Variants in ST3GAL1 observed in about 807,000 individuals in gnomAD.
ST3GAL1 encodes ST3 beta-galactoside alpha-2,3-sialyltransferase 1.
Under a neutral mutation model 34.1 loss-of-function variants are expected in ST3GAL1, and 16 were observed. The ratio of observed to expected loss-of-function variants is 0.47; its 90% confidence interval spans 0.32 to 0.71. The LOEUF is 0.71. ST3GAL1 is among the 30% of genes least tolerant of loss of function. The pLI is 0.04. For missense variants in ST3GAL1, 353 were observed against 447.4 expected, an observed-to-expected ratio of 0.79 and a Z score of 1.90; for synonymous variants, 191 against 184.7, an observed-to-expected ratio of 1.03 and a Z score of -0.28.
At chr8:133,545,442 C>T (rs988000809) in intron 2 of ST3GAL1, among the ~76,000 whole-genome samples, 4 of 152,216 alleles carry the variant, frequency 2.6e-5, no homozygotes, top group Non-Finnish European at 4.4e-5. Context: ...GCCAGGCCTT[C>T]GTCAGGATGA....
Position 133,466,156 on chromosome 8 carries a change from C to G in ST3GAL1, c.307-66G>C. On this transcript the variant is annotated intron_variant, in intron 5 of 9. Coordinates refer to ENST00000522652, the MANE Select transcript of ST3GAL1 (RefSeq NM_173344.3). The surrounding 1 kb of genome is among the most constrained non-coding windows in gnomAD (Gnocchi z 4.4). Reference sequence around the variant, plus strand: ...GCTCCAGCCTCCTGGCAGCAGAGCCCCTGAGCTACCTGCTGTCGTTTACTG... The same window carrying G: ...GCTCCAGCCTCCTGGCAGCAGAGCCGCTGAGCTACCTGCTGTCGTTTACTG... The G allele has an allele frequency of 6.7e-7, 1 of 1,502,060 alleles. No homozygotes were observed. Among genetic ancestry groups the G allele is most frequent in the South Asian group, 1.3e-5 (1 of 78,534 alleles). 93.0% of individuals were successfully genotyped at this position (1,502,060 alleles called of 1,614,324 possible). A position where few individuals can be genotyped will look rare whatever the true frequency, so the allele number is the denominator to read the frequency against.
At chr8:133,510,497 A>G (rs1289150768) in intron 2 of ST3GAL1, among the ~76,000 whole-genome samples, 1 of 152,128 alleles carries the variant, frequency 6.6e-6, no homozygotes, top group African/African-American at 2.4e-5. Flanking sequence ...GCAATTCTAA[A>G]CCTGTGCTAA....
chr8:133,498,281 G>A (rs1817030830), intron 3 of ST3GAL1, among the ~76,000 whole-genome samples: 1 of 152,270 alleles, frequency 6.6e-6, no homozygotes, highest in South Asian at 2.1e-4. Context: ...TGCAGGGACA[G>A]TGAGCTGTGA....
intron 3 of ST3GAL1, among the ~76,000 whole-genome samples, chr8:133,484,806 C>T (rs1351668838): frequency 1.3e-5 from 2 of 152,130 alleles, no homozygotes; most frequent in Non-Finnish European, 2.9e-5. Flanking sequence ...CTGTCCATCC[C>T]CCTGAAGCTA....
rs777122691 is a variant in ST3GAL1 at position 133,463,406 on chromosome 8, C to T, written c.729+8G>A. On this transcript the variant is annotated splice_region_variant and intron_variant, in intron 8 of 9. Transcript: ENST00000522652. ...ACTTAGAACAGAGGGGCCGGGGCCTCCACTCACCTTATCCTGTTTCACTCT... is the reference window on the plus strand; with the variant it reads ...ACTTAGAACAGAGGGGCCGGGGCCTTCACTCACCTTATCCTGTTTCACTCT... 3 of 1,613,890 alleles carry T rather than the reference C, an allele frequency of 1.9e-6. No homozygotes were observed. The Admixed American group carries it at 5.0e-5, about 27-fold the overall frequency.
chr8:133,465,863 C>T (rs1196179162), intron 6 of ST3GAL1, 31 bp downstream of exon 6: 10 of 1,601,562 alleles, frequency 6.2e-6, no homozygotes, highest in South Asian at 1.1e-5. Context: ...GGGTGCAGCA[C>T]GGTAGGCTTG....
At chr8:133,475,378 GT>G (rs1816128879) in intron 5 of ST3GAL1, among the ~76,000 whole-genome samples, 1 of 152,238 alleles carries the variant, frequency 6.6e-6, no homozygotes, top group Non-Finnish European at 1.5e-5. Context: ...CACTTTTGGT[GT>G]TTTGAGCCAT....
chr8:133,490,619 C>A (rs113254436), intron 3 of ST3GAL1, among the ~76,000 whole-genome samples: 2 of 152,176 alleles, frequency 1.3e-5, no homozygotes, highest in Non-Finnish European at 2.9e-5. Context: ...GAGGGTAAAC[C>A]AGGCCTGTGC....
intron 2 of ST3GAL1, among the ~76,000 whole-genome samples, chr8:133,506,402 T>G (rs1817338280): frequency 6.6e-6 from 1 of 152,182 alleles, no homozygotes; most frequent in Admixed American, 6.5e-5. Context: ...TATTTTTAGG[T>G]ATTAAGCAAA....
intron 2 of ST3GAL1, among the ~76,000 whole-genome samples, chr8:133,506,863 G>A (rs1817357969): frequency 2.0e-5 from 3 of 151,886 alleles, no homozygotes; most frequent in Admixed American, 2.0e-4. Flanking sequence ...GCCGAGGTGG[G>A]TGGATCACAA....
At chr8:133,568,583 T>C (rs1220731805) in intron 1 of ST3GAL1, among the ~76,000 whole-genome samples, 2 of 152,188 alleles carry the variant, frequency 1.3e-5, no homozygotes, top group Non-Finnish European at 2.9e-5. Context: ...TTTGCTTTCC[T>C]GGTCGCTTTT....
Position 133,469,466 on chromosome 8 carries a change from G to T in ST3GAL1, c.307-3376C>A, listed in dbSNP as rs1586589755. Among the ~76,000 whole-genome samples the T allele has an allele frequency of 6.6e-6, 1 of 152,096 alleles. No individual in the cohort carries two copies. The highest frequency in any genetic ancestry group is 6.6e-5 in the Admixed American group (1 of 15,266). ...ACTCCTGACCTCAGGTGATGAACCC[G>T]CCTCAGCCTCCCAAAGTGTTGGGAT... On this transcript the variant is annotated intron_variant, in intron 5 of 9. Transcript: ENST00000522652. This position sits in a 1 kb window ranked among gnomAD's most constrained non-coding sequence, Gnocchi z 4.3.
Position 133,461,839 on chromosome 8 carries a change from C to G in ST3GAL1, c.849+36G>C. 1.2e-6 allele frequency: 2 copies of G among 1,612,686 alleles called. No individual in the cohort carries two copies. The highest frequency in any genetic ancestry group is 8.5e-7 in the Non-Finnish European group (1 of 1,179,200). The stretch of plus-strand genomic sequence containing the variant: ...CTTGGGAACACAGGACGGTGAGCTT[C>G]GAGGCAGCCCTGTGGGCAGGGGGAG... On this transcript the variant is annotated intron_variant, in intron 9 of 9. Coordinates refer to ENST00000522652, the MANE Select transcript of ST3GAL1 (RefSeq NM_173344.3). The surrounding 1 kb of genome is among the most constrained non-coding windows in gnomAD (Gnocchi z 4.7).
intron 2 of ST3GAL1, among the ~76,000 whole-genome samples, chr8:133,524,191 C>A (rs1297226531): frequency 6.6e-6 from 1 of 152,198 alleles, no homozygotes; most frequent in Non-Finnish European, 1.5e-5. Context: ...AATTAAAAAA[C>A]CTACCTCTTA....
chr8:133,477,179 A>G (rs371540361), intron 3 of ST3GAL1, among the ~76,000 whole-genome samples: 1 of 152,204 alleles, frequency 6.6e-6, no homozygotes, highest in South Asian at 2.1e-4. Context: ...CTTCTTCTGC[A>G]AAGTGGGATA....
chr8:133,559,484 CT>C (rs528823433), intron 1 of ST3GAL1, among the ~76,000 whole-genome samples: 2 of 152,056 alleles, frequency 1.3e-5, no homozygotes, highest in Non-Finnish European at 2.9e-5. Context: ...TTTTAATTTC[CT>C]TTTTTTGCCA....
At chr8:133,564,519 T>TACACACACACACACAC (rs60855292) in intron 1 of ST3GAL1, among the ~76,000 whole-genome samples, 1,884 of 145,908 alleles carry the variant, frequency 0.013, 38 homozygotes, top group East Asian at 0.07. Context: ...AAAGAGAAAA[T>TACACACACACACACAC]ACACACACAC....
At chr8:133,562,495 A>ATT (rs1819256372) in intron 1 of ST3GAL1, among the ~76,000 whole-genome samples, 2 of 152,182 alleles carry the variant, frequency 1.3e-5, no homozygotes, top group Non-Finnish European at 2.9e-5. Context: ...GGTATGAGCC[A>ATT]CAGGGCCTGG....
At chr8:133,550,378 G>C (rs1256767768) in intron 1 of ST3GAL1, among the ~76,000 whole-genome samples, 1 of 152,192 alleles carries the variant, frequency 6.6e-6, no homozygotes, top group African/African-American at 2.4e-5. Flanking sequence ...AAATCAGAAA[G>C]TGTCCCCATT....
Sources: allele counts gnomAD v4.1 joint callset (sites outside exome capture counted in the v4.1 genomes callset), GRCh38; gene constraint gnomAD v4.1.1; non-coding constraint Gnocchi (gnomAD v3.1); transcripts MANE v1.5; gene names NCBI Gene and HGNC (gene_info 2026-07-23, HGNC 2026-07-21).